The following PDLIM5 variants were observed in gnomAD, a reference collection of about 807,000 sequenced individuals.
PDLIM5 encodes PDZ and LIM domain 5.
Under a neutral mutation model 64.2 loss-of-function variants are expected in PDLIM5, and 34 were observed. The ratio of observed to expected loss-of-function variants is 0.53; its 90% confidence interval spans 0.40 to 0.71. The LOEUF is 0.71. Among genes scored for constraint, PDLIM5 ranks in the 30% least tolerant of loss-of-function variants. The probability of loss-of-function intolerance (pLI) is 0.00; values close to 1 mark genes in which losing one functional copy is unlikely to be tolerated. For synonymous variants in PDLIM5, 253 were observed against 269.1 expected (o/e 0.94, Z 0.59); for missense variants, 683 against 733.6 (o/e 0.93, Z 0.80).
intron 7 of PDLIM5, among the ~76,000 whole-genome samples, chr4:94,609,609 C>T (rs1237741071): frequency 6.6e-6 from 1 of 152,100 alleles, no homozygotes; most frequent in Admixed American, 6.5e-5. Context: ...GCTTTACTCT[C>T]AATATTTTAA....
At chr4:94,479,105 G>A (rs2126103603) in intron 2 of PDLIM5, among the ~76,000 whole-genome samples, 1 of 150,856 alleles carries the variant, frequency 6.6e-6, no homozygotes, top group East Asian at 2.0e-4. Context: ...TCACCATGTT[G>A]CCCAGGCTGG....
At chr4:94,477,337 GAC>G (rs947497306) in intron 2 of PDLIM5, among the ~76,000 whole-genome samples, 2 of 152,162 alleles carry the variant, frequency 1.3e-5, no homozygotes, top group African/African-American at 4.8e-5. Context: ...GCAGTAAAAG[GAC>G]AATTTAAGTT....
intron 3 of PDLIM5, among the ~76,000 whole-genome samples, chr4:94,538,756 A>ATTTC (rs1578333068): frequency 1.3e-5 from 2 of 151,956 alleles, no homozygotes; most frequent in East Asian, 1.9e-4. Flanking sequence ...ATTTTCCTGA[A>ATTTC]TTTCTTTCTT....
intron 3 of PDLIM5, among the ~76,000 whole-genome samples, chr4:94,535,860 G>A (rs1363275360): frequency 8.9e-6 from 1 of 112,866 alleles, no homozygotes; most frequent in Non-Finnish European, 1.8e-5. Context: ...TTTTTTTAAT[G>A]TCAAGTGTTT....
intron 7 of PDLIM5, among the ~76,000 whole-genome samples, chr4:94,606,593 G>A (rs1287868366): frequency 6.6e-6 from 1 of 152,190 alleles, no homozygotes; most frequent in East Asian, 1.9e-4. Context: ...TGAAGAACAG[G>A]TAGCCCAAGA....
chr4:94,517,079 A>G, intron 2 of PDLIM5, among the ~76,000 whole-genome samples: 1 of 152,200 alleles, frequency 6.6e-6, no homozygotes, highest in East Asian at 1.9e-4. Flanking sequence ...GGGGGACATC[A>G]CATCACACAT....
chr4:94,617,988 T>C lies in PDLIM5; in HGVS notation c.921-16T>C, dbSNP rs780951218. 2.7e-6 allele frequency: 4 copies of C among 1,456,634 alleles called. No homozygotes were observed. Among genetic ancestry groups the C allele is most frequent in the Non-Finnish European group, 3.7e-6 (4 of 1,089,780 alleles). 90.2% of individuals were successfully genotyped at this position (1,456,634 alleles called of 1,614,324 possible). ...GCTACCACTTCACCAAAGATGTTTC[T>C]TTATTTCCTTTACAGTAACTCTCAG... On this transcript the variant is annotated splice_polypyrimidine_tract_variant and intron_variant, in intron 7 of 12. Coordinates refer to ENST00000317968, the MANE Select transcript of PDLIM5 (RefSeq NM_006457.5).
intron 3 of PDLIM5, among the ~76,000 whole-genome samples, chr4:94,555,421 A>G (rs1321327687): frequency 6.6e-6 from 1 of 152,212 alleles, no homozygotes; most frequent in Non-Finnish European, 1.5e-5. Context: ...CCCCATCATT[A>G]GTCTAGGAGC....
intron 2 of PDLIM5, among the ~76,000 whole-genome samples, chr4:94,503,833 G>A (rs564907447): frequency 6.6e-6 from 1 of 152,248 alleles, no homozygotes; most frequent in African/African-American, 2.4e-5. Context: ...CTCATAAATA[G>A]CAGGTTGTGA....
chr4:94,544,077 A>T (rs986769417), intron 3 of PDLIM5, among the ~76,000 whole-genome samples: 1 of 151,858 alleles, frequency 6.6e-6, no homozygotes, highest in African/African-American at 2.4e-5. Flanking sequence ...TCACATCCTC[A>T]CCAACACTTG....
chr4:94,583,338 G>A (rs1578418297), intron 5 of PDLIM5, among the ~76,000 whole-genome samples: 1 of 152,014 alleles, frequency 6.6e-6, no homozygotes. Context: ...TCTATTATTC[G>A]TGATATCTTA....
chr4:94,499,793 G>C (rs762799845), intron 2 of PDLIM5, among the ~76,000 whole-genome samples: 30 of 152,214 alleles, frequency 2.0e-4, no homozygotes, highest in Non-Finnish European at 3.7e-4. Context: ...TAGATTCTCA[G>C]ACCAGCAGTG....
chr4:94,536,555 C>T (rs1286806517), intron 3 of PDLIM5, among the ~76,000 whole-genome samples: 1 of 152,140 alleles, frequency 6.6e-6, no homozygotes, highest in Non-Finnish European at 1.5e-5. Context: ...TACTCCAGTG[C>T]CTACCACCAT....
chr4:94,473,559 C>T (rs1725065029), intron 2 of PDLIM5, among the ~76,000 whole-genome samples: 1 of 152,084 alleles, frequency 6.6e-6, no homozygotes, highest in African/African-American at 2.4e-5. Flanking sequence ...CGCGCCTGGC[C>T]CAGATGATTT....
chr4:94,471,741 A>T (rs1232675090), intron 2 of PDLIM5, among the ~76,000 whole-genome samples: 1 of 152,168 alleles, frequency 6.6e-6, no homozygotes, highest in Non-Finnish European at 1.5e-5. Flanking sequence ...TATTTGCATC[A>T]TAGGATTGTT....
intron 2 of PDLIM5, among the ~76,000 whole-genome samples, chr4:94,501,340 C>T (rs543899350): frequency 8.9e-4 from 135 of 152,196 alleles, no homozygotes; most frequent in South Asian, 3.7e-3. Context: ...CACTTGGGTC[C>T]CCCAAAGTGC....
At chr4:94,573,247 A>AG in intron 3 of PDLIM5, 104 bp from the exon 4 acceptor site, 1 of 762,396 alleles carries the variant, frequency 1.3e-6, no homozygotes, top group Non-Finnish European at 2.1e-6. Flanking sequence ...CCAGTGATTC[A>AG]GTATATTAAG....
chr4:94,497,776 C>T (rs1482710034), intron 2 of PDLIM5, among the ~76,000 whole-genome samples: 1 of 152,124 alleles, frequency 6.6e-6, no homozygotes, highest in Non-Finnish European at 1.5e-5. Flanking sequence ...ATCTAATGGG[C>T]CATCCTGTAG....
At chr4:94,604,857 T>A (rs1737788927) in intron 7 of PDLIM5, among the ~76,000 whole-genome samples, 1 of 152,214 alleles carries the variant, frequency 6.6e-6, no homozygotes, top group Admixed American at 6.5e-5. Flanking sequence ...GTTATGTATT[T>A]TTTACCACAG....
Sources: gnomAD v4.1 joint callset for allele counts (sites outside exome capture counted in the v4.1 genomes callset) on GRCh38, gnomAD v4.1.1 for gene constraint, MANE v1.5 for transcripts, NCBI Gene and HGNC (gene_info 2026-07-23, HGNC 2026-07-21) for gene names.